The following TMEM71 variants were observed in gnomAD, a reference collection of about 807,000 sequenced individuals.
The protein encoded by TMEM71 is transmembrane protein 71.
A neutral mutation model predicts 38.0 loss-of-function variants in TMEM71; 44 were observed. The ratio of observed to expected loss-of-function variants is 1.16; its 90% CI spans 0.91 to 1.49. The LOEUF (loss-of-function observed/expected upper bound fraction) is 1.49. TMEM71 is among the 40% of genes most tolerant of loss of function. TMEM71 has a pLI of 0.00. For synonymous variants in TMEM71, 133 were observed against 122.5 expected (o/e 1.09, Z -0.56); for missense variants, 367 against 348.6 (o/e 1.05, Z -0.42).
upstream of TMEM71, among the ~76,000 whole-genome samples, chr8:132,763,841 G>A (rs919780620): frequency 2.0e-5 from 3 of 152,186 alleles, no homozygotes; most frequent in African/African-American, 7.2e-5. Context: ...TAGTCCCTAA[G>A]ATACTCTTTG....
downstream of TMEM71, among the ~76,000 whole-genome samples, chr8:132,709,431 G>T (rs1408417004): frequency 2.6e-5 from 4 of 152,158 alleles, no homozygotes; most frequent in Admixed American, 2.6e-4. Flanking sequence ...AAATAGCCAG[G>T]TTCTAATCAT....
intron 4 of TMEM71, among the ~76,000 whole-genome samples, chr8:132,750,997 T>C (rs781189249): frequency 2.6e-5 from 4 of 152,186 alleles, no homozygotes; most frequent in Non-Finnish European, 5.9e-5. Flanking sequence ...CTTGCCTTCA[T>C]TTTTCCCATT....
At chr8:132,713,974 G>T in intron 9 of TMEM71, 21 bp downstream of exon 9, 1 of 1,611,726 alleles carries the variant, frequency 6.2e-7, no homozygotes, top group Non-Finnish European at 8.5e-7. Flanking sequence ...AGACAATAAT[G>T]ATGACACAGG....
chr8:132,750,012 C>CAAAAAAA (rs10623448), intron 4 of TMEM71, among the ~76,000 whole-genome samples: 1 of 124,176 alleles, frequency 8.1e-6, no homozygotes, highest in Non-Finnish European at 1.6e-5. Context: ...GACTCCATCT[C>CAAAAAAA]AAAAAAAAAA....
intron 7 of TMEM71, among the ~76,000 whole-genome samples, chr8:132,715,234 GTC>G (rs1382751734): frequency 6.7e-6 from 1 of 149,806 alleles, no homozygotes; most frequent in African/African-American, 2.5e-5. Context: ...GTGAAACCCT[GTC>G]TCCACTAAAA....
At chr8:132,771,032 G>A in the TMEM71 span, among the ~76,000 whole-genome samples, 269 of 152,344 alleles carry the variant, frequency 1.8e-3, 3 homozygotes, top group African/African-American at 6.1e-3. Context: ...ATAAAAATCA[G>A]GAGAGGTGCA....
chr8:132,706,276 T>C (rs548928571), downstream of TMEM71, among the ~76,000 whole-genome samples: 24 of 152,260 alleles, frequency 1.6e-4, no homozygotes, highest in Middle Eastern at 3.4e-3. Context: ...TACAGTCCTT[T>C]AGCATCTTCC....
the TMEM71 span, among the ~76,000 whole-genome samples, chr8:132,770,555 A>G: frequency 6.6e-6 from 1 of 152,218 alleles, no homozygotes; most frequent in Non-Finnish European, 1.5e-5. Context: ...GGATGCTGTA[A>G]TGTCTTAAGC....
At chr8:132,765,179 T>G (rs535237465), upstream of TMEM71, among the ~76,000 whole-genome samples, 96 of 152,302 alleles carry the variant, frequency 6.3e-4, no homozygotes, top group Non-Finnish European at 1.1e-3. Context: ...CAGAATTCCT[T>G]TTTTGCATGC....
At chr8:132,771,911 G>A in the TMEM71 span, among the ~76,000 whole-genome samples, 1 of 152,282 alleles carries the variant, frequency 6.6e-6, no homozygotes, top group South Asian at 2.1e-4. Flanking sequence ...TGGTGACAGA[G>A]GAAAGATAAG....
chr8:132,750,012 CA>C (rs10623448), intron 4 of TMEM71, among the ~76,000 whole-genome samples: 43 of 124,218 alleles, frequency 3.5e-4, no homozygotes, highest in East Asian at 7.0e-4. Context: ...GACTCCATCT[CA>C]AAAAAAAAAA....
In TMEM71 at chr8:132,740,276, C is replaced by G. The variant is rs762759452; in HGVS notation, c.487+6666G>C. ...TTTCACTTGCCTGGATTGTTCCTCC[C>G]CCAGATATCCACAGAGCTGTTTTGC... On this transcript the variant is annotated intron_variant, in intron 5 of 9. Transcript: ENST00000677595. 3.9e-4 allele frequency among the ~76,000 whole-genome samples: 59 copies of G among 152,148 alleles called. 1 individual carries two copies. Among genetic ancestry groups the G allele is most frequent in the Non-Finnish European group, 7.8e-4 (53 of 68,038 alleles).
chr8:132,715,350 C>T (rs1208750906), intron 7 of TMEM71, among the ~76,000 whole-genome samples: 48 of 134,318 alleles, frequency 3.6e-4, no homozygotes, highest in African/African-American at 1.4e-3. Flanking sequence ...GCGGAGCTTG[C>T]AGTGAGCCGA....
chr8:132,742,292 G>T (rs141942529), intron 5 of TMEM71, among the ~76,000 whole-genome samples: 7 of 152,014 alleles, frequency 4.6e-5, no homozygotes, highest in Non-Finnish European at 8.8e-5. Context: ...TTGCCTCGGC[G>T]CCTGGATGGC....
upstream of TMEM71, among the ~76,000 whole-genome samples, chr8:132,762,945 C>T (rs944963720): frequency 6.6e-6 from 1 of 152,206 alleles, no homozygotes; most frequent in African/African-American, 2.4e-5. Context: ...ATAAATCTTT[C>T]AAAATTGCCA....
chr8:132,714,074 A>C (rs1826374923), intron 8 of TMEM71, 22 bp from the exon 9 acceptor site: 1 of 1,614,108 alleles, frequency 6.2e-7, no homozygotes, highest in African/African-American at 1.3e-5. Context: ...CAGAGAAAAT[A>C]TTTTAAAATC....
At chr8:132,735,753 C>G (rs917950039) in intron 5 of TMEM71, among the ~76,000 whole-genome samples, 14 of 152,310 alleles carry the variant, frequency 9.2e-5, no homozygotes, top group African/African-American at 3.4e-4. Context: ...GACATACTGT[C>G]TTTAGAACAG....
chr8:132,722,220 A>AAAG (rs1826895712), intron 6 of TMEM71, 105 bp from the exon 7 acceptor site: 1 of 896,728 alleles, frequency 1.1e-6, no homozygotes, highest in African/African-American at 1.7e-5. Context: ...AAAAAAAAAA[A>AAAG]AAAGTTTTGG....
At chr8:132,733,068 C>G (rs553389653) in intron 5 of TMEM71, among the ~76,000 whole-genome samples, 1 of 152,338 alleles carries the variant, frequency 6.6e-6, no homozygotes, top group South Asian at 2.1e-4. Flanking sequence ...AGTCAAAACA[C>G]TCTGTTCTCT....
Sources: gnomAD v4.1 joint callset for allele counts (sites outside exome capture counted in the v4.1 genomes callset) on GRCh38, gnomAD v4.1.1 for gene constraint, MANE v1.5 for transcripts, NCBI Gene and HGNC (gene_info 2026-07-23, HGNC 2026-07-21) for gene names.